The following KIAA0825 variants were observed in gnomAD, a reference collection of about 807,000 sequenced individuals.
The protein encoded by KIAA0825 is uncharacterized protein KIAA0825.
KIAA0825 carries 119 observed loss-of-function variants against 147.6 expected under a neutral mutation model. The ratio of observed to expected loss-of-function variants is 0.81; its 90% CI spans 0.69 to 0.94. KIAA0825 has a LOEUF of 0.94. Among genes scored for constraint, KIAA0825 ranks in the 40% least tolerant of loss-of-function variants. The pLI is 0.00. For synonymous variants in KIAA0825, 470 were observed against 518.1 expected, an observed-to-expected ratio of 0.91 and a Z score of 1.26; for missense variants, 1,381 against 1,472.7, an observed-to-expected ratio of 0.94 and a Z score of 1.02.
At position 94,153,906 on chromosome 5, in the gene KIAA0825, G is replaced by A. The variant is rs62367163; in HGVS notation, c.*101C>T. On this transcript the variant is annotated 3_prime_UTR_variant, in exon 21 of 21. Coordinates refer to ENST00000682413, the MANE Select transcript of KIAA0825 (RefSeq NM_001145678.3). ...GAGATTACTCAGTCATTGGTTTCAT[G>A]CTTCACAGCACATATGAGGTTCATT... 5.9e-3 allele frequency: 4,275 copies of A among 726,588 alleles called. 29 individuals are homozygous for A. The highest frequency in any genetic ancestry group is 6.1e-3 in the Non-Finnish European group (2,569 of 423,530). The allele number at this position is 726,588 out of a possible 1,614,324, so 45.0% of individuals were successfully genotyped here.
intron 12 of KIAA0825, among the ~76,000 whole-genome samples, chr5:94,458,578 T>C (rs912978771): frequency 2.6e-5 from 4 of 152,206 alleles, no homozygotes; most frequent in Admixed American, 2.6e-4. Flanking sequence ...TTTAACCTTA[T>C]TAGGATGATA....
At chr5:94,261,162 G>A (rs1255042138) in intron 20 of KIAA0825, among the ~76,000 whole-genome samples, 1 of 151,850 alleles carries the variant, frequency 6.6e-6, no homozygotes, top group Non-Finnish European at 1.5e-5. Context: ...AATTAGCTGG[G>A]CGTGGTGGTG....
rs561068433 is a variant in KIAA0825 at position 94,238,802 on chromosome 5, G to T, written c.3711-84678C>A. On this transcript the variant is annotated intron_variant, in intron 20 of 20. Transcript: ENST00000682413. The stretch of plus-strand genomic sequence containing the variant: ...TTTCTTTCTTTTTTCCTGAGGCAGA[G>T]AAATTACATAGCTTAGGTAAGCATG... Among the ~76,000 whole-genome samples the T allele has an allele frequency of 2.6e-5, 4 of 152,142 alleles. No homozygotes were observed. The East Asian group carries it at 7.7e-4, about 29-fold the overall frequency.
At chr5:94,497,350 G>A (rs947559271) in intron 5 of KIAA0825, among the ~76,000 whole-genome samples, 5 of 152,108 alleles carry the variant, frequency 3.3e-5, no homozygotes, top group African/African-American at 9.7e-5. Context: ...TTTCATTTGC[G>A]TATTGCCCTC....
intron 20 of KIAA0825, among the ~76,000 whole-genome samples, chr5:94,298,615 T>C (rs1439942936): frequency 6.6e-6 from 1 of 152,246 alleles, no homozygotes; most frequent in Admixed American, 6.5e-5. Flanking sequence ...TGATTCATTT[T>C]GTTACTGCTT....
At chr5:94,493,491 TTTG>T (rs1383229276) in intron 5 of KIAA0825, among the ~76,000 whole-genome samples, 1 of 152,056 alleles carries the variant, frequency 6.6e-6, no homozygotes, top group African/African-American at 2.4e-5. Context: ...ATCTGCATTT[TTTG>T]TTGTTGTTGT....
intron 20 of KIAA0825, among the ~76,000 whole-genome samples, chr5:94,208,785 C>T (rs184201903): frequency 1.2e-4 from 18 of 152,292 alleles, no homozygotes; most frequent in African/African-American, 3.9e-4. Context: ...ACAAATGGAG[C>T]ATAGCTTGTC....
intron 2 of KIAA0825, among the ~76,000 whole-genome samples, chr5:94,537,381 G>A (rs1455565166): frequency 1.3e-5 from 2 of 152,186 alleles, no homozygotes; most frequent in Admixed American, 6.5e-5. Context: ...GCCGGGCGCG[G>A]TGGCTCACGC....
At chr5:94,498,022 C>A (rs1192896184) in intron 5 of KIAA0825, among the ~76,000 whole-genome samples, 1 of 152,130 alleles carries the variant, frequency 6.6e-6, no homozygotes, top group Non-Finnish European at 1.5e-5. Flanking sequence ...AAATATTCTT[C>A]TAGGTGGTTT....
chr5:94,328,702 C>T (rs918502886), intron 20 of KIAA0825, among the ~76,000 whole-genome samples: 13 of 151,632 alleles, frequency 8.6e-5, no homozygotes, highest in Admixed American at 3.9e-4. Context: ...TAGTCAAATA[C>T]CATTCTCCTT....
In KIAA0825 at chr5:94,563,683, A is replaced by T. The variant is rs1778008825; in HGVS notation, c.-2+18750T>A. On this transcript the variant is annotated intron_variant, in intron 2 of 20. Coordinates refer to ENST00000682413, the MANE Select transcript of KIAA0825 (RefSeq NM_001145678.3). Reference sequence around the variant, plus strand: ...CATTTCTGTGAGCATTGCCTTTTTTAAATTTTTTTTATGTTTTTTGAGACA... The same window carrying T: ...CATTTCTGTGAGCATTGCCTTTTTTTAATTTTTTTTATGTTTTTTGAGACA... Among the ~76,000 whole-genome samples the T allele has an allele frequency of 3.9e-5, 6 of 151,934 alleles. No homozygotes were observed. In the South Asian group the frequency reaches 1.2e-3, roughly 31 times the overall value.
chr5:94,386,105 G>A, intron 19 of KIAA0825, 137 bp downstream of exon 19: 1 of 679,804 alleles, frequency 1.5e-6, no homozygotes, highest in Non-Finnish European at 2.4e-6. Context: ...AATTTGTACA[G>A]ACCATGTAAA....
intron 2 of KIAA0825, among the ~76,000 whole-genome samples, chr5:94,573,093 T>C: frequency 9.0e-6 from 1 of 111,368 alleles, no homozygotes; most frequent in African/African-American, 3.5e-5. Flanking sequence ...TTAGTTTGGT[T>C]CAGAAAAGCG....
At chr5:94,260,773 G>T (rs1776452448) in intron 20 of KIAA0825, among the ~76,000 whole-genome samples, 1 of 152,124 alleles carries the variant, frequency 6.6e-6, no homozygotes, top group African/African-American at 2.4e-5. Context: ...CATTAAGTCG[G>T]TATGATGTGG....
intron 5 of KIAA0825, among the ~76,000 whole-genome samples, chr5:94,499,379 ACT>A (rs1764763298): frequency 1.3e-5 from 2 of 152,096 alleles, no homozygotes; most frequent in African/African-American, 4.8e-5. Context: ...GAAAGTGAAT[ACT>A]GTTTTGTTCA....
intron 13 of KIAA0825, among the ~76,000 whole-genome samples, chr5:94,441,789 C>T (rs1757117936): frequency 6.6e-6 from 1 of 152,168 alleles, no homozygotes; most frequent in South Asian, 2.1e-4. Context: ...GTTATAGCAG[C>T]CAGAGCTAAG....
intron 2 of KIAA0825, among the ~76,000 whole-genome samples, chr5:94,547,401 T>C (rs1489957195): frequency 6.6e-6 from 1 of 152,000 alleles, no homozygotes; most frequent in Non-Finnish European, 1.5e-5. Context: ...GAAGACTACC[T>C]CAAGGCATTT....
intron 20 of KIAA0825, among the ~76,000 whole-genome samples, chr5:94,230,155 T>G (rs1774562419): frequency 6.6e-6 from 1 of 152,186 alleles, no homozygotes; most frequent in Non-Finnish European, 1.5e-5. Context: ...TTTGAGGCTC[T>G]TGTCTCTAGG....
Position 94,151,404 on chromosome 5 carries a change from A to G in KIAA0825, c.*2603T>C, listed in dbSNP as rs1220968721. On this transcript the variant is annotated 3_prime_UTR_variant, in exon 21 of 21. Coordinates refer to ENST00000682413, the MANE Select transcript of KIAA0825 (RefSeq NM_001145678.3). Reference sequence around the variant, plus strand: ...TGCAGTCCGCAGTCCGGCCTGGGCGACAGAGCGAGACTCCGTCTCAAAAAA... The same window carrying G: ...TGCAGTCCGCAGTCCGGCCTGGGCGGCAGAGCGAGACTCCGTCTCAAAAAA... Among the ~76,000 whole-genome samples, 1 of 141,012 alleles carries G rather than the reference A, an allele frequency of 7.1e-6. No individual in the cohort carries two copies. The highest frequency in any genetic ancestry group is 2.6e-5 in the African/African-American group (1 of 37,760). The allele number at this position is 141,012 out of a possible 152,430, so 92.5% of individuals were successfully genotyped here. A position where few individuals can be genotyped will look rare whatever the true frequency, so the allele number is the denominator to read the frequency against.
Sources: allele counts gnomAD v4.1 joint callset (sites outside exome capture counted in the v4.1 genomes callset), GRCh38; gene constraint gnomAD v4.1.1; transcripts MANE v1.5; gene names NCBI Gene and HGNC (gene_info 2026-07-23, HGNC 2026-07-21).